The following STK10 variants were observed in gnomAD, a reference collection of about 807,000 sequenced individuals.
The protein encoded by STK10 is serine/threonine kinase 10.
A neutral mutation model predicts 113.8 loss-of-function variants in STK10; 78 were observed. The ratio of observed to expected loss-of-function variants is 0.69; its 90% CI spans 0.57 to 0.83. The LOEUF is 0.83. Among genes scored for constraint, STK10 ranks in the 40% least tolerant of loss-of-function variants. The probability of loss-of-function intolerance (pLI) is 0.00; values close to 1 mark genes in which losing one functional copy is unlikely to be tolerated. For missense variants in STK10, 1,109 were observed against 1,280.1 expected (o/e 0.87, Z 2.04); for synonymous variants, 465 against 494.7 (o/e 0.94, Z 0.80).
chr5:172,093,201 GA>G lies in STK10; in HGVS notation c.1554+210del, dbSNP rs1768758941. Among the ~76,000 whole-genome samples, 1 of 152,248 alleles carries G rather than the reference GA, an allele frequency of 6.6e-6. No individual in the cohort carries two copies. Among genetic ancestry groups the G allele is most frequent in the East Asian group, 1.9e-4 (1 of 5,188 alleles). On this transcript the variant is annotated intron_variant, in intron 9 of 18. Transcript: ENST00000176763. This position sits in a 1 kb window ranked among gnomAD's most constrained non-coding sequence, Gnocchi z 4.1. ...TTACCAGGGCCTTTTACCAAGCTTT[GA>G]AATTTAAACCCAAACCAACTGCTTT...
chr5:172,106,005 G>A (rs941925201), intron 6 of STK10, among the ~76,000 whole-genome samples: 4 of 152,234 alleles, frequency 2.6e-5, no homozygotes, highest in African/African-American at 7.2e-5. Flanking sequence ...CCAGGCCCCC[G>A]ATGTCCCGCC....
rs780570927 is a variant in STK10 at position 172,105,714 on chromosome 5, A to G, written c.812T>C (p.Leu271Pro). 3.2e-5 allele frequency: 51 copies of G among 1,613,750 alleles called. No homozygotes were observed. Among genetic ancestry groups the G allele is most frequent in the Non-Finnish European group, 8.5e-7 (1 of 1,180,016 alleles). The change falls in exon 7 of 19, where the codon CTG becomes CCG. Residue 271 changes from leucine to proline, a missense_variant. Around this residue, in one of 5 missense-constraint regions of STK10, gnomAD observed 885 missense variants for 991.1 expected, o/e 0.89. Coordinates refer to ENST00000176763, the MANE Select transcript of STK10 (RefSeq NM_005990.4). ...TGGGTTCTTATCCAGGGCTATCTTC[A>G]GGAAGTCACGGAACTCTACAGACCT... ...SKWSVEFRDF[L>P]KIALDKNPET...
At chr5:172,178,274 T>C (rs1007426091) in intron 1 of STK10, among the ~76,000 whole-genome samples, 22 of 152,114 alleles carry the variant, frequency 1.4e-4, no homozygotes, top group African/African-American at 5.3e-4. Context: ...TCAGGCCACA[T>C]CAGGCCGCTA....
At chr5:172,071,994 C>A (rs1435245829) in intron 12 of STK10, among the ~76,000 whole-genome samples, 1 of 152,110 alleles carries the variant, frequency 6.6e-6, no homozygotes, top group African/African-American at 2.4e-5. Flanking sequence ...TGAACACAGA[C>A]CCCAAAATCC....
chr5:172,112,416 CTTTTT>C (rs1159424183), intron 4 of STK10, among the ~76,000 whole-genome samples: 2 of 103,074 alleles, frequency 1.9e-5, no homozygotes, highest in Admixed American at 2.3e-4. Context: ...AGGGACCTTA[CTTTTT>C]TTTTTTTTTT....
chr5:172,150,707 C>T (rs1255837156), intron 2 of STK10, among the ~76,000 whole-genome samples: 1 of 152,156 alleles, frequency 6.6e-6, no homozygotes, highest in African/African-American at 2.4e-5. Flanking sequence ...AAACCCTGGC[C>T]AGCAACGTGT....
At chr5:172,130,668 C>CT (rs1769734919) in intron 2 of STK10, among the ~76,000 whole-genome samples, 1 of 152,174 alleles carries the variant, frequency 6.6e-6, no homozygotes, top group African/African-American at 2.4e-5. Flanking sequence ...TGGTGTGCCA[C>CT]TTAATTGACT....
At chr5:172,163,546 G>A (rs564649516) in intron 1 of STK10, among the ~76,000 whole-genome samples, 159 of 152,278 alleles carry the variant, frequency 1.0e-3, no homozygotes, top group African/African-American at 3.7e-3. Context: ...CTTGGTGCCG[G>A]TTTCCCAAGT....
intron 7 of STK10, 54 bp from the exon 8 acceptor site, chr5:172,096,614 G>A: frequency 6.3e-7 from 1 of 1,597,720 alleles, no homozygotes; most frequent in Non-Finnish European, 8.5e-7. Flanking sequence ...ACGGTGGGGT[G>A]GAAGAGGCTG....
At chr5:172,178,723 C>T (rs1299357598) in intron 1 of STK10, among the ~76,000 whole-genome samples, 1 of 152,202 alleles carries the variant, frequency 6.6e-6, no homozygotes, top group Non-Finnish European at 1.5e-5. Flanking sequence ...CTGAAAGACC[C>T]AACTCTCTCA....
intron 16 of STK10, among the ~76,000 whole-genome samples, chr5:172,055,379 G>A (rs1432954273): frequency 6.6e-6 from 1 of 152,004 alleles, no homozygotes; most frequent in Non-Finnish European, 1.5e-5. Context: ...TTGTAGAGAT[G>A]GGGTTTTGCT....
intron 1 of STK10, among the ~76,000 whole-genome samples, chr5:172,182,373 T>G (rs908986517): frequency 6.6e-6 from 1 of 151,690 alleles, no homozygotes; most frequent in Admixed American, 6.6e-5. Context: ...TTTTCTATTT[T>G]TTGTTTTGTT....
intron 2 of STK10, among the ~76,000 whole-genome samples, chr5:172,144,453 G>A (rs977574245): frequency 4.6e-5 from 7 of 152,194 alleles, no homozygotes; most frequent in Non-Finnish European, 7.3e-5. Flanking sequence ...GCAAGTCCCT[G>A]GAGGCAGACA....
At chr5:172,091,347 C>T (rs930354820) in intron 9 of STK10, among the ~76,000 whole-genome samples, 2 of 152,162 alleles carry the variant, frequency 1.3e-5, no homozygotes, top group East Asian at 3.8e-4. Context: ...TAATCGTCAT[C>T]TTTTCCTGTG....
At chr5:172,049,842 G>T (rs193145440) in intron 18 of STK10, among the ~76,000 whole-genome samples, 1 of 152,010 alleles carries the variant, frequency 6.6e-6, no homozygotes, top group African/African-American at 2.4e-5. Flanking sequence ...TCACTCTTTC[G>T]CCCAGGCTGG....
intron 3 of STK10, among the ~76,000 whole-genome samples, chr5:172,119,354 G>A (rs1769453747): frequency 6.6e-6 from 1 of 152,162 alleles, no homozygotes; most frequent in African/African-American, 2.4e-5. Flanking sequence ...CATTGTATTT[G>A]AAATGCAGTG....
chr5:172,087,024 C>T (rs1384968451), intron 10 of STK10, among the ~76,000 whole-genome samples: 1 of 151,946 alleles, frequency 6.6e-6, no homozygotes, highest in East Asian at 1.9e-4. Context: ...CAGGGTGCCT[C>T]TCAGGTGACC....
At chr5:172,184,149 G>A (rs1210628638) in intron 1 of STK10, among the ~76,000 whole-genome samples, 1 of 152,154 alleles carries the variant, frequency 6.6e-6, no homozygotes, top group African/African-American at 2.4e-5. Context: ...TGTCAAAATG[G>A]AATCTCTGGT....
intron 4 of STK10, among the ~76,000 whole-genome samples, chr5:172,116,040 A>G (rs1484644712): frequency 6.6e-6 from 1 of 152,062 alleles, no homozygotes; most frequent in Non-Finnish European, 1.5e-5. Context: ...GTGACTGTTT[A>G]TTGAGCACCA....
Sources: allele counts gnomAD v4.1 joint callset (sites outside exome capture counted in the v4.1 genomes callset), GRCh38; gene constraint gnomAD v4.1.1; regional missense constraint gnomAD v4.1.1; non-coding constraint Gnocchi (gnomAD v3.1); transcripts MANE v1.5; gene names NCBI Gene and HGNC (gene_info 2026-07-23, HGNC 2026-07-21).